The following DLG2 variants were observed in gnomAD, a reference collection of about 807,000 sequenced individuals.
The protein encoded by DLG2 is discs large MAGUK scaffold protein 2, also known as disks large homolog 2.
In DLG2, 45 loss-of-function variants were observed where a neutral mutation model predicts 132.5. The observed-to-expected ratio is 0.34, with a 90% confidence interval of 0.27 to 0.44. The LOEUF is 0.44. Among genes scored for constraint, DLG2 ranks in the 20% least tolerant of loss-of-function variants. The probability of loss-of-function intolerance (pLI) is 1.00; values close to 1 mark genes in which losing one functional copy is unlikely to be tolerated. For synonymous variants in DLG2, 424 were observed against 419.6 expected (o/e 1.01, Z -0.13); for missense variants, 1,045 against 1,196.9 (o/e 0.87, Z 1.87).
intron 7 of DLG2, among the ~76,000 whole-genome samples, chr11:84,380,752 T>C (rs576747048): frequency 1.3e-4 from 20 of 151,830 alleles, no homozygotes; most frequent in African/African-American, 4.8e-4. Flanking sequence ...ATAAATACAA[T>C]AGAGAAAATC....
intron 6 of DLG2, among the ~76,000 whole-genome samples, chr11:84,717,920 G>C (rs1314760389): frequency 6.6e-6 from 1 of 151,994 alleles, no homozygotes; most frequent in Non-Finnish European, 1.5e-5. Context: ...AAGAAACTGA[G>C]ACTTACATAA....
chr11:83,962,787 CT>C (rs2089182302), intron 14 of DLG2, 97 bp downstream of exon 14: 4 of 1,458,076 alleles, frequency 2.7e-6, no homozygotes, highest in Non-Finnish European at 3.8e-6. Context: ...GACCCAGAAG[CT>C]TTAGTTAGCA....
intron 6 of DLG2, among the ~76,000 whole-genome samples, chr11:85,099,308 A>G (rs1257551868): frequency 6.6e-6 from 1 of 152,184 alleles, no homozygotes; most frequent in Admixed American, 6.5e-5. Context: ...GAGTCTGAGC[A>G]TAGTATGAGC....
intron 2 of DLG2, among the ~76,000 whole-genome samples, chr11:85,609,010 C>T (rs140341407): frequency 0.017 from 2,565 of 152,208 alleles, 35 homozygotes; most frequent in Non-Finnish European, 0.027. Flanking sequence ...GCAAGCCATC[C>T]CCAGTATGGA....
chr11:84,887,839 A>G (rs1224003669), intron 6 of DLG2, among the ~76,000 whole-genome samples: 2 of 152,160 alleles, frequency 1.3e-5, no homozygotes, highest in Non-Finnish European at 2.9e-5. Context: ...CCTGAGCTGC[A>G]TAATGGGATT....
chr11:83,618,061 A>C (rs1362338026), intron 19 of DLG2, among the ~76,000 whole-genome samples: 2 of 152,176 alleles, frequency 1.3e-5, no homozygotes, highest in African/African-American at 4.8e-5. Flanking sequence ...ACGTTTTCTA[A>C]GAACTTTTGT....
chr11:85,177,843 G>A (rs1453588197), intron 4 of DLG2, among the ~76,000 whole-genome samples: 1 of 151,990 alleles, frequency 6.6e-6, no homozygotes, highest in Non-Finnish European at 1.5e-5. Context: ...CATGTAATGA[G>A]AAGGATATAT....
At chr11:84,234,931 G>A (rs1019182489) in intron 8 of DLG2, among the ~76,000 whole-genome samples, 1 of 152,202 alleles carries the variant, frequency 6.6e-6, no homozygotes, top group African/African-American at 2.4e-5. Flanking sequence ...ATCCAAGAGA[G>A]AATTAACTAA....
chr11:85,260,373 C>T (rs1363571125), intron 4 of DLG2, among the ~76,000 whole-genome samples: 2 of 152,088 alleles, frequency 1.3e-5, no homozygotes, highest in African/African-American at 2.4e-5. Context: ...GATTGTTAAA[C>T]AGTTATTCCT....
rs184805886 is a variant in DLG2, at chr11:84,001,779, C to T, written c.920-21137G>A. Among the ~76,000 whole-genome samples the T allele has an allele frequency of 2.4e-3, 361 of 152,132 alleles. 1 individual carries two copies. Among genetic ancestry groups the T allele is most frequent in the African/African-American group, 8.0e-3 (333 of 41,524 alleles). ...ATGGAATAAAATTATAAATCAATAA[C>T]AAGAGCAACTTTGGAAACTATACAA... On this transcript the variant is annotated intron_variant, in intron 11 of 27. Transcript: ENST00000376104.
intron 15 of DLG2, among the ~76,000 whole-genome samples, chr11:83,921,598 A>T (rs2077932337): frequency 6.6e-6 from 1 of 152,172 alleles, no homozygotes; most frequent in South Asian, 2.1e-4. Context: ...TTATGGTTTA[A>T]CGTTACTATC....
At chr11:85,341,133 T>TTG (rs1216192529) in intron 3 of DLG2, among the ~76,000 whole-genome samples, 2 of 151,890 alleles carry the variant, frequency 1.3e-5, no homozygotes, top group Non-Finnish European at 2.9e-5. Flanking sequence ...TTGTTTTGTT[T>TTG]TTTGAGACAG....
At chr11:85,226,248 G>GTGGA (rs531246354) in intron 4 of DLG2, among the ~76,000 whole-genome samples, 212 of 150,142 alleles carry the variant, frequency 1.4e-3, no homozygotes, top group African/African-American at 3.9e-3. Flanking sequence ...AGACATGTGG[G>GTGGA]TGGATGGATG....
chr11:84,329,078 T>C (rs565174797), intron 7 of DLG2, among the ~76,000 whole-genome samples: 4 of 152,020 alleles, frequency 2.6e-5, no homozygotes, highest in Admixed American at 6.5e-5. Flanking sequence ...AGGATATCCC[T>C]TGCTATTGAA....
At chr11:83,762,745 T>C (rs549332149) in intron 18 of DLG2, among the ~76,000 whole-genome samples, 1 of 152,204 alleles carries the variant, frequency 6.6e-6, no homozygotes, top group Non-Finnish European at 1.5e-5. Flanking sequence ...CACGCCTGGC[T>C]AATTTTTTTG....
chr11:83,506,065 G>A (rs990746550), intron 21 of DLG2, among the ~76,000 whole-genome samples: 20 of 152,124 alleles, frequency 1.3e-4, no homozygotes, highest in African/African-American at 4.6e-4. Context: ...TGCTGTGCAC[G>A]GCCCACTCTA....
At chr11:84,357,155 G>T (rs1187334224) in intron 7 of DLG2, among the ~76,000 whole-genome samples, 2 of 152,162 alleles carry the variant, frequency 1.3e-5, no homozygotes, top group East Asian at 3.9e-4. Context: ...AGACAGCACA[G>T]TCTGGATGTC....
chr11:84,633,615 A>T (rs970996092), intron 6 of DLG2, among the ~76,000 whole-genome samples: 6 of 101,726 alleles, frequency 5.9e-5, no homozygotes, highest in Non-Finnish European at 1.1e-4. Context: ...ATGACTATTT[A>T]AAAAAAAAAA....
chr11:83,903,206 T>C (rs2073935050), intron 15 of DLG2, among the ~76,000 whole-genome samples: 1 of 152,076 alleles, frequency 6.6e-6, no homozygotes, highest in African/African-American at 2.4e-5. Flanking sequence ...TTTGATGATC[T>C]AGTATTCTAA....
Sources: allele counts gnomAD v4.1 joint callset (sites outside exome capture counted in the v4.1 genomes callset), GRCh38; gene constraint gnomAD v4.1.1; transcripts MANE v1.5; gene names NCBI Gene and HGNC (gene_info 2026-07-23, HGNC 2026-07-21).